ZMYND8: variants seen among roughly 807,000 people sequenced by gnomAD.
ZMYND8 encodes zinc finger MYND-type containing 8.
Under a neutral mutation model 140.8 loss-of-function variants are expected in ZMYND8, and 37 were observed. The observed-to-expected ratio is 0.26, with a 90% CI of 0.20 to 0.35. The LOEUF is 0.35. Ranked by LOEUF, ZMYND8 falls within the 10% of genes least tolerant of loss-of-function variation. The pLI, the probability that ZMYND8 is intolerant of heterozygous loss-of-function variation, is 1.00. For synonymous variants in ZMYND8, 592 were observed against 597.1 expected, an observed-to-expected ratio of 0.99 and a Z score of 0.12; for missense variants, 1,068 against 1,570.0, an observed-to-expected ratio of 0.68 and a Z score of 5.40.
At chr20:47,214,103 A>G (rs1470192424) in intron 21 of ZMYND8, among the ~76,000 whole-genome samples, 1 of 152,228 alleles carries the variant, frequency 6.6e-6, no homozygotes, top group Non-Finnish European at 1.5e-5. Context: ...GCACATAAAT[A>G]GCTCAGAAGC....
intron 8 of ZMYND8, among the ~76,000 whole-genome samples, chr20:47,284,884 ATATGTTGATC>A: frequency 6.6e-6 from 1 of 152,068 alleles, no homozygotes; most frequent in Admixed American, 6.5e-5. Flanking sequence ...CAGAGCCCCC[ATATGTTGATC>A]TATTGAAGAG....
At chr20:47,327,989 TA>T in intron 2 of ZMYND8, among the ~76,000 whole-genome samples, 1 of 152,154 alleles carries the variant, frequency 6.6e-6, no homozygotes, top group Admixed American at 6.5e-5. Context: ...AATTTTTTTT[TA>T]TTTCAGAGAT....
rs548289665 is a variant in ZMYND8 at position 47,347,146 on chromosome 20, C to T, written c.85+710G>A. Among the ~76,000 whole-genome samples the T allele has an allele frequency of 3.8e-4, 58 of 152,250 alleles. 1 individual carries two copies. The South Asian group carries it at 0.011, about 30-fold the overall frequency. ...ACAACCATTAAGTTTGGAGATGAGC[C>T]TTTTCATCAACCAAAGATACGAAAA... On this transcript the variant is annotated intron_variant, in intron 2 of 22. Coordinates refer to ENST00000471951, the MANE Select transcript of ZMYND8 (RefSeq NM_001281775.3).
At chr20:47,338,363 C>T (rs1027512711) in intron 2 of ZMYND8, among the ~76,000 whole-genome samples, 11 of 152,034 alleles carry the variant, frequency 7.2e-5, no homozygotes, top group Non-Finnish European at 1.6e-4. Context: ...AACCGAAGGA[C>T]CCTGACCCGG....
At chr20:47,255,006 T>C (rs1473210364) in intron 12 of ZMYND8, among the ~76,000 whole-genome samples, 2 of 152,054 alleles carry the variant, frequency 1.3e-5, no homozygotes, top group Non-Finnish European at 2.9e-5. Flanking sequence ...TAGCCGGACG[T>C]AGTGGCGCGC....
intron 2 of ZMYND8, among the ~76,000 whole-genome samples, chr20:47,315,030 A>G (rs2079267502): frequency 2.0e-5 from 3 of 152,200 alleles, no homozygotes; most frequent in African/African-American, 4.8e-5. Flanking sequence ...AGGTGTCCTC[A>G]GCTCCAATGA....
At position 47,291,769 on chromosome 20, in the gene ZMYND8, T is replaced by C. The variant is rs755843235; in HGVS notation, c.660+27A>G. ...TAGGCATCTCAACTGTGGGCTAGAA[T>C]GGTGAGGTTCTTTGACGGAGGCCAA... On this transcript the variant is annotated intron_variant, in intron 6 of 22. Transcript: ENST00000471951. The C allele has an allele frequency of 1.9e-6, 3 of 1,593,020 alleles. 1 individual carries two copies. The highest frequency in any genetic ancestry group is 2.3e-5 in the South Asian group (2 of 88,018).
chr20:47,211,213 C>T (rs1162459290), intron 22 of ZMYND8, among the ~76,000 whole-genome samples: 1 of 152,156 alleles, frequency 6.6e-6, no homozygotes, highest in African/African-American at 2.4e-5. Context: ...AACCGTGTAT[C>T]CTTACTACAT....
intron 19 of ZMYND8, 80 bp from the exon 20 acceptor site, chr20:47,221,554 C>A: frequency 6.7e-7 from 1 of 1,482,464 alleles, no homozygotes. Context: ...CCCCGCCCTG[C>A]ACCCAGTGGC....
intron 2 of ZMYND8, chr20:47,319,281 T>A: frequency 2.9e-6 from 1 of 343,662 alleles, no homozygotes; most frequent in South Asian, 2.2e-5. Context: ...AAGTCTCCGG[T>A]GCAGTGCACC....
At chr20:47,293,172 G>A (rs150344323) in intron 5 of ZMYND8, among the ~76,000 whole-genome samples, 40 of 45,272 alleles carry the variant, frequency 8.8e-4, no homozygotes, top group African/African-American at 3.6e-3. Flanking sequence ...GGGAGGGAGG[G>A]AGGGAGGGAG....
At position 47,216,715 on chromosome 20, in the gene ZMYND8, G is replaced by A. The variant is rs143724902; in HGVS notation, c.3484+3543C>T. 2.2e-3 allele frequency among the ~76,000 whole-genome samples: 332 copies of A among 152,062 alleles called. 9 individuals carry two copies. In the South Asian group the frequency reaches 0.046, roughly 21 times the overall value. On this transcript the variant is annotated intron_variant, in intron 21 of 22. Coordinates refer to ENST00000471951, the MANE Select transcript of ZMYND8 (RefSeq NM_001281775.3). ...CCAGCTACTCGGGAGGCTGAGGCAG[G>A]AGAATCACTTGAACCCAGGAGGCAG... is the stretch of plus-strand genomic sequence containing the variant.
At chr20:47,322,443 T>C (rs1321817676) in intron 2 of ZMYND8, among the ~76,000 whole-genome samples, 3 of 150,296 alleles carry the variant, frequency 2.0e-5, no homozygotes, top group East Asian at 1.9e-4. Context: ...CATTTCTTTT[T>C]TTTTTTTTTT....
At chr20:47,356,339 A>G (rs1361073385) in intron 1 of ZMYND8, 2 of 1,447,360 alleles carry the variant, frequency 1.4e-6, no homozygotes, top group Non-Finnish European at 9.1e-7. Flanking sequence ...GAAAGAAAAA[A>G]AAAAAAAGAA....
At chr20:47,338,804 C>G (rs1240728070) in intron 2 of ZMYND8, among the ~76,000 whole-genome samples, 1 of 151,970 alleles carries the variant, frequency 6.6e-6, no homozygotes, top group Admixed American at 6.6e-5. Context: ...CCCAAGCACC[C>G]GAGAAAATCC....
chr20:47,320,039 G>T (rs2079793511), intron 2 of ZMYND8: 2 of 152,170 alleles, frequency 1.3e-5, no homozygotes, highest in African/African-American at 4.8e-5. Flanking sequence ...TATTTATCCA[G>T]CCCCTGCCTG....
intron 16 of ZMYND8, 79 bp from the exon 17 acceptor site, chr20:47,229,885 T>G: frequency 7.6e-7 from 1 of 1,313,996 alleles, no homozygotes; most frequent in Non-Finnish European, 1.1e-6. Flanking sequence ...AAAATCTATC[T>G]GTATAAAGCA....
chr20:47,221,344 C>T lies in ZMYND8; in HGVS notation c.3387G>A (p.Thr1129=), dbSNP rs762469626. The change falls in exon 20 of 23, where the codon ACG becomes ACA. Residue 1129 remains threonine (T), a synonymous_variant. Transcript: ENST00000471951. ...ETASASKEKE[T]SAEKSKESGS... is the part of the protein sequence containing the mutation. ...CACTCTCCTTGCTTTTCTCAGCTGA[C>T]GTCTCCTTCTCTTTGGAGGCGCTGG... 5.0e-6 allele frequency: 8 copies of T among 1,614,172 alleles called. No homozygotes were observed. The highest frequency in any genetic ancestry group is 1.7e-4 in the Middle Eastern group (1 of 6,056).
At position 47,294,823 on chromosome 20, in the gene ZMYND8, A is replaced by T. The variant is rs2077538564; in HGVS notation, c.454-44T>A. The T allele has an allele frequency of 2.6e-6, 4 of 1,559,292 alleles. No individual in the cohort carries two copies. The East Asian group carries it at 9.0e-5, about 35-fold the overall frequency. ...ACATAAACGTCCGGTTAGAAAAAAG[A>T]AATTACCATCCATGTACTGATTTCT... On this transcript the variant is annotated intron_variant, in intron 4 of 22. Transcript: ENST00000471951.
Sources: gnomAD v4.1 joint callset for allele counts (sites outside exome capture counted in the v4.1 genomes callset) on GRCh38, gnomAD v4.1.1 for gene constraint, MANE v1.5 for transcripts, NCBI Gene and HGNC (gene_info 2026-07-23, HGNC 2026-07-21) for gene names.